The following GSAP variants were observed in gnomAD, a reference collection of about 807,000 sequenced individuals.
The protein encoded by GSAP is gamma-secretase activating protein.
In GSAP, 118 loss-of-function variants were observed where a neutral mutation model predicts 131.7. That is an observed-to-expected ratio of 0.90 (90% CI 0.77 to 1.04). The LOEUF is 1.04. Among genes scored for constraint, GSAP ranks in the 50% least tolerant of loss-of-function variants. The probability of loss-of-function intolerance (pLI) is 0.00; values close to 1 mark genes in which losing one functional copy is unlikely to be tolerated. For synonymous variants in GSAP, 381 were observed against 363.4 expected (o/e 1.05, Z -0.55); for missense variants, 1,019 against 1,013.2 (o/e 1.01, Z -0.08).
chr7:77,409,290 T>C (rs926218309), intron 1 of GSAP, among the ~76,000 whole-genome samples: 1 of 152,160 alleles, frequency 6.6e-6, no homozygotes, highest in African/African-American at 2.4e-5. Context: ...AAGACCAACC[T>C]GGGCAACACA....
intron 14 of GSAP, among the ~76,000 whole-genome samples, chr7:77,358,158 T>A (rs189359499): frequency 1.2e-4 from 19 of 152,128 alleles, no homozygotes; most frequent in African/African-American, 4.6e-4. Context: ...CTGGGCAGCA[T>A]GACAAAACCC....
intron 19 of GSAP, among the ~76,000 whole-genome samples, chr7:77,337,052 A>G (rs904908494): frequency 6.6e-6 from 1 of 152,176 alleles, no homozygotes; most frequent in Non-Finnish European, 1.5e-5. Flanking sequence ...CAGACCACTA[A>G]AAAACTTTTT....
intron 5 of GSAP, among the ~76,000 whole-genome samples, chr7:77,389,863 T>A (rs1432915673): frequency 2.2e-4 from 33 of 152,292 alleles, no homozygotes; most frequent in Non-Finnish European, 4.1e-4. Context: ...CACCACACTG[T>A]CTTCCACAAT....
intron 5 of GSAP, among the ~76,000 whole-genome samples, chr7:77,388,286 T>C (rs1293852743): frequency 6.6e-6 from 1 of 152,212 alleles, no homozygotes; most frequent in Non-Finnish European, 1.5e-5. Flanking sequence ...TCTCTGTCAC[T>C]CCAATTCGGC....
intron 4 of GSAP, 99 bp downstream of exon 4, chr7:77,397,247 T>C: frequency 1.2e-5 from 10 of 807,848 alleles, no homozygotes; most frequent in Non-Finnish European, 1.8e-5. Context: ...TAGGAAATTA[T>C]TGTTATAGAA....
intron 19 of GSAP, among the ~76,000 whole-genome samples, chr7:77,337,290 C>CGGGGGGGGGG (rs1481617028): frequency 1.7e-4 from 1 of 6,042 alleles, no homozygotes; most frequent in Non-Finnish European, 3.2e-4. Context: ...GTAACGGGGG[C>CGGGGGGGGGG]GGGGGTGGGG....
chr7:77,412,488 A>C (rs1262913703), intron 1 of GSAP, among the ~76,000 whole-genome samples: 4 of 152,232 alleles, frequency 2.6e-5, no homozygotes, highest in Non-Finnish European at 4.4e-5. Flanking sequence ...ACAAACTATA[A>C]AGAAAAACTC....
chr7:77,344,485 C>A (rs1420898363), intron 19 of GSAP, among the ~76,000 whole-genome samples: 2 of 152,136 alleles, frequency 1.3e-5, no homozygotes, highest in Non-Finnish European at 2.9e-5. Context: ...TTCCAGACAC[C>A]AGCCCAACTT....
At chr7:77,352,424 C>A (rs140969136) in intron 18 of GSAP, among the ~76,000 whole-genome samples, 57 of 152,226 alleles carry the variant, frequency 3.7e-4, no homozygotes, top group Non-Finnish European at 6.8e-4. Context: ...CTCAGCACAT[C>A]CTAATTTAAA....
intron 26 of GSAP, among the ~76,000 whole-genome samples, chr7:77,318,762 A>C (rs1001238220): frequency 1.3e-5 from 2 of 152,154 alleles, no homozygotes; most frequent in African/African-American, 4.8e-5. Flanking sequence ...CCCCTAAAAG[A>C]AACATAGAGG....
At chr7:77,374,604 G>C (rs1182654236) in intron 11 of GSAP, among the ~76,000 whole-genome samples, 1 of 147,796 alleles carries the variant, frequency 6.8e-6, no homozygotes, top group Non-Finnish European at 1.5e-5. Context: ...AATAGAGTGG[G>C]AAAAGGAAAA....
chr7:77,367,842 C>T (rs1176471793), intron 12 of GSAP, among the ~76,000 whole-genome samples: 1 of 151,962 alleles, frequency 6.6e-6, no homozygotes, highest in African/African-American at 2.4e-5. Flanking sequence ...GAGCTTTTTT[C>T]GGTTGGTAGG....
chr7:77,382,063 C>T (rs1404736757), intron 7 of GSAP, among the ~76,000 whole-genome samples: 1 of 147,588 alleles, frequency 6.8e-6, no homozygotes, highest in African/African-American at 2.5e-5. Flanking sequence ...TCCTTCCTCT[C>T]CCTCTCTAAC....
chr7:77,413,764 A>C (rs1250665712), intron 1 of GSAP, among the ~76,000 whole-genome samples: 1 of 152,232 alleles, frequency 6.6e-6, no homozygotes, highest in Non-Finnish European at 1.5e-5. Flanking sequence ...AGAGAAAGAA[A>C]TAGAATCAGA....
At chr7:77,321,278 CAG>C in intron 25 of GSAP, 53 bp downstream of exon 25, 1 of 1,097,750 alleles carries the variant, frequency 9.1e-7, no homozygotes. Context: ...TTTGCTACAA[CAG>C]AGTTGTTTCC....
At position 77,326,311 on chromosome 7, in the gene GSAP, T is replaced by C. The variant is rs1216692109; in HGVS notation, c.1766-38A>G. The stretch of plus-strand genomic sequence containing the variant: ...AGAGCAATAGTTAGGCTCTGAGCAG[T>C]TTTCAGGAGATGGGTTAGAAGGAAG... On this transcript the variant is annotated intron_variant, in intron 22 of 30. Coordinates refer to ENST00000257626, the MANE Select transcript of GSAP (RefSeq NM_017439.4). 5 of 1,419,940 alleles carry C rather than the reference T, an allele frequency of 3.5e-6. No homozygotes were observed. In the African/African-American group the frequency reaches 7.1e-5, roughly 20 times the overall value. 88.0% of individuals were successfully genotyped at this position (1,419,940 alleles called of 1,614,324 possible).
intron 6 of GSAP, among the ~76,000 whole-genome samples, chr7:77,383,409 C>T (rs1798071314): frequency 6.6e-6 from 1 of 152,088 alleles, no homozygotes; most frequent in Non-Finnish European, 1.5e-5. Flanking sequence ...TAAATATATT[C>T]CCCACGACAG....
intron 5 of GSAP, among the ~76,000 whole-genome samples, chr7:77,391,125 CAAAAAAAAAAAA>C (rs3083869): frequency 1.9e-3 from 124 of 65,114 alleles, no homozygotes; most frequent in African/African-American, 6.5e-3. Context: ...GGCTCCGTCT[CAAAAAAAAAAAA>C]AAAAAAAAAA....
At chr7:77,328,276 C>A (rs1788594926) in intron 22 of GSAP, 3 of 1,083,016 alleles carry the variant, frequency 2.8e-6, no homozygotes, top group Non-Finnish European at 2.2e-6. Context: ...AGAAAGCAAG[C>A]AGCACCAAGC....
Sources: allele counts gnomAD v4.1 joint callset (sites outside exome capture counted in the v4.1 genomes callset), GRCh38; gene constraint gnomAD v4.1.1; transcripts MANE v1.5; gene names NCBI Gene and HGNC (gene_info 2026-07-23, HGNC 2026-07-21).